Variants in TIMELESS observed in about 807,000 individuals in gnomAD.
The protein encoded by TIMELESS is timeless circadian regulator.
A neutral mutation model predicts 164.3 loss-of-function variants in TIMELESS; 124 were observed. That is an observed-to-expected ratio of 0.75 (90% CI 0.65 to 0.88). The LOEUF (loss-of-function observed/expected upper bound fraction) is 0.88. TIMELESS is among the 40% of genes least tolerant of loss of function. The pLI, the probability that TIMELESS is intolerant of heterozygous loss-of-function variation, is 0.00. For missense variants in TIMELESS, 1,422 were observed against 1,491.4 expected, an observed-to-expected ratio of 0.95 and a Z score of 0.77; for synonymous variants, 564 against 563.4, an observed-to-expected ratio of 1.00 and a Z score of -0.02.
intron 26 of TIMELESS, among the ~76,000 whole-genome samples, chr12:56,420,070 GTA>G (rs71081354): frequency 0.23 from 21,827 of 95,026 alleles, 3,415 homozygotes; most frequent in Non-Finnish European, 0.33. Context: ...GTGTGTGTGT[GTA>G]TATATATATA....
chr12:56,445,255 A>G (rs947680873), intron 1 of TIMELESS, among the ~76,000 whole-genome samples: 35 of 139,620 alleles, frequency 2.5e-4, no homozygotes, highest in East Asian at 1.3e-3. Context: ...GAGAAACCCC[A>G]TCTCTACTAA....
intron 1 of TIMELESS, among the ~76,000 whole-genome samples, chr12:56,449,045 T>C (rs1163036459): frequency 6.6e-6 from 1 of 152,108 alleles, no homozygotes; most frequent in Non-Finnish European, 1.5e-5. Context: ...CAAGCCCCTT[T>C]CCATCACAAC....
At chr12:56,444,218 C>T (rs181420468) in intron 1 of TIMELESS, among the ~76,000 whole-genome samples, 7 of 151,924 alleles carry the variant, frequency 4.6e-5, no homozygotes, top group Non-Finnish European at 1.0e-4. Flanking sequence ...TCTTGGTCCC[C>T]TTCATTGTCT....
rs954920916 is a variant in TIMELESS at position 56,420,484 on chromosome 12, C to A, written c.3228+85G>T. The stretch of plus-strand genomic sequence containing the variant: ...AAGATGACGATAAGGATAAGGAGGA[C>A]CACCATGACAGTGAGGAGGAGGAGG... On this transcript the variant is annotated intron_variant, in intron 26 of 28. Transcript: ENST00000553532. 1.2e-5 allele frequency: 13 copies of A among 1,121,298 alleles called. No homozygotes were observed. In the East Asian group the frequency reaches 2.8e-4, roughly 24 times the overall value. The allele number at this position is 1,121,298 out of a possible 1,614,324, so 69.5% of individuals were successfully genotyped here. A position where few individuals can be genotyped will look rare whatever the true frequency, so the allele number is the denominator to read the frequency against.
intron 1 of TIMELESS, among the ~76,000 whole-genome samples, chr12:56,445,528 C>T (rs61937720): frequency 0.36 from 50,672 of 142,446 alleles, 10,264 homozygotes; most frequent in East Asian, 0.66. Context: ...CACCTGAGGT[C>T]GGGAGTTCAA....
chr12:56,424,812 A>C lies in TIMELESS; in HGVS notation c.1818T>G (p.Cys606Trp), dbSNP rs1881620366. The C allele has an allele frequency of 6.2e-7, 1 of 1,614,114 alleles. No individual in the cohort carries two copies. Among genetic ancestry groups the C allele is most frequent in the East Asian group, 2.2e-5 (1 of 44,880 alleles). Residue 606 changes from cysteine (C) to tryptophan (W), a missense_variant, in exon 15 of 29, where the codon TGT becomes TGG. Coordinates refer to ENST00000553532, the MANE Select transcript of TIMELESS (RefSeq NM_003920.5). ...RAEAMVRIQD[C>W]LLAGQAPQAL... ...CCTGTGGGGCCTGGCCAGCCAGGAG[A>C]CAGTCTTGGATCCGTACCATAGCTT...
chr12:56,422,962 C>T lies in TIMELESS; in HGVS notation c.2323G>A (p.Gly775Ser), dbSNP rs770734350. ...ACTGCAGCCAGTGCAAAAAATTTGC[C>T]CAGGATGTATTTGGCAAAAGTCACT... ...ELVTFAKYILGKFFALAAVNQ... is the reference protein window; with the variant it reads ...ELVTFAKYILSKFFALAAVNQ... The change falls in exon 19 of 29, where the codon GGC becomes AGC. Residue 775 changes from glycine (G) to serine (S), a missense_variant. Coordinates refer to ENST00000553532, the MANE Select transcript of TIMELESS (RefSeq NM_003920.5). 6.2e-7 allele frequency: 1 copy of T among 1,613,842 alleles called. No individual in the cohort carries two copies. Among genetic ancestry groups the T allele is most frequent in the Non-Finnish European group, 8.5e-7 (1 of 1,179,940 alleles).
chr12:56,420,488 C>G, intron 26 of TIMELESS, 81 bp downstream of exon 26: 2 of 1,166,202 alleles, frequency 1.7e-6, no homozygotes, highest in Admixed American at 1.8e-5. Context: ...GGAGGACCAC[C>G]ATGACAGTGA....
At chr12:56,423,030 C>T (rs774048) in intron 18 of TIMELESS, 38 bp from the exon 19 acceptor site, 2 of 1,594,460 alleles carry the variant, frequency 1.3e-6, no homozygotes, top group Non-Finnish European at 8.5e-7. Flanking sequence ...CCTCTCTGGT[C>T]CAATGCAGAC....
intron 1 of TIMELESS, among the ~76,000 whole-genome samples, chr12:56,435,139 T>C (rs1286017324): frequency 6.6e-6 from 1 of 152,078 alleles, no homozygotes; most frequent in Non-Finnish European, 1.5e-5. Flanking sequence ...GCTCTGGCCA[T>C]ACAGTGATTC....
chr12:56,429,209 T>A, intron 10 of TIMELESS, 109 bp from the exon 11 acceptor site: 1 of 1,105,642 alleles, frequency 9.0e-7, no homozygotes, highest in Non-Finnish European at 1.3e-6. Flanking sequence ...CATAATTTTT[T>A]TTTTTTTGAG....
chr12:56,423,285 C>T lies in TIMELESS; in HGVS notation c.2281G>A (p.Gly761Arg). ...TGTTATCCCCTCACTTTGTAGGCTC[C>T]AGCAGCAGGGTCACTAAGCAGACGA... is the stretch of plus-strand genomic sequence containing the variant. ...FNRLLSDPAA[G>R]AYKELVTFAK... Residue 761 changes from glycine to arginine, a missense_variant, in exon 18 of 29, where the codon GGA becomes AGA. By Grantham distance (125) the Gly-to-Arg change is moderately radical. Transcript: ENST00000553532. The T allele has an allele frequency of 4.3e-6, 7 of 1,614,082 alleles. No individual in the cohort carries two copies. Among genetic ancestry groups the T allele is most frequent in the Non-Finnish European group, 4.2e-6 (5 of 1,180,018 alleles).
chr12:56,417,874 A>G lies in TIMELESS; in HGVS notation c.3556+33T>C, dbSNP rs780481040. 10 of 1,613,544 alleles carry G rather than the reference A, an allele frequency of 6.2e-6. No homozygotes were observed. In the African/African-American group the frequency reaches 1.2e-4, roughly 19 times the overall value. On this transcript the variant is annotated intron_variant, in intron 28 of 28. Coordinates refer to ENST00000553532, the MANE Select transcript of TIMELESS (RefSeq NM_003920.5). Reference sequence around the variant, plus strand: ...TGGTAGAGTTTGTCTTCAGGATTAGAGAAGAAAAAGAAGGTCCCATCAAAT... The same window carrying G: ...TGGTAGAGTTTGTCTTCAGGATTAGGGAAGAAAAAGAAGGTCCCATCAAAT...
chr12:56,443,167 T>C (rs977470323), intron 1 of TIMELESS, among the ~76,000 whole-genome samples: 7 of 152,302 alleles, frequency 4.6e-5, no homozygotes, highest in African/African-American at 1.4e-4. Flanking sequence ...TCAGGCAGAA[T>C]AGAGCCATAG....
At position 56,423,696 on chromosome 12, in the gene TIMELESS, G is replaced by A. The variant is rs367793471; in HGVS notation, c.1978C>T (p.Pro660Ser). The A allele has an allele frequency of 4.2e-5, 67 of 1,613,904 alleles. No individual in the cohort carries two copies. Among genetic ancestry groups the A allele is most frequent in the Non-Finnish European group, 5.6e-5 (66 of 1,179,926 alleles). Residue 660 changes from proline to serine, a missense_variant, in exon 17 of 29, where the codon CCA becomes TCA. Coordinates refer to ENST00000553532, the MANE Select transcript of TIMELESS (RefSeq NM_003920.5). The stretch of plus-strand genomic sequence containing the variant: ...TCTTCCTCTGCCCCACGTTCCTCTG[G>A]GCCCTGCTGCCCTATAGACAGAGGG... ...LSAPLPRQQG[P>S]EERGAEEEEE...
At chr12:56,422,266 A>T (rs993756870) in intron 19 of TIMELESS, 75 bp from the exon 20 acceptor site, 61 of 1,341,844 alleles carry the variant, frequency 4.5e-5, no homozygotes, top group Non-Finnish European at 6.1e-5. Flanking sequence ...TTCTCTGATC[A>T]GTTCTGAAAA....
At chr12:56,447,990 T>C (rs895904552) in intron 1 of TIMELESS, among the ~76,000 whole-genome samples, 1 of 151,980 alleles carries the variant, frequency 6.6e-6, no homozygotes, top group Non-Finnish European at 1.5e-5. Flanking sequence ...CAAAATGAGA[T>C]TGAGAGGGTC....
chr12:56,421,495 T>G lies in TIMELESS; in HGVS notation c.2726-2A>C. 1 of 1,608,088 alleles carries G rather than the reference T, an allele frequency of 6.2e-7. No homozygotes were observed. Among genetic ancestry groups the G allele is most frequent in the Non-Finnish European group, 8.5e-7 (1 of 1,176,716 alleles). On this transcript the variant is annotated splice_acceptor_variant, in intron 22 of 28. Transcript: ENST00000553532. LOFTEE classifies it high-confidence loss of function. ...TCTTCATGATATGACCCAGGACATC[T>G]ATAAAAAGCAAGCATGTGAATACCC...
In TIMELESS at chr12:56,423,509, A is replaced by G. The variant is rs72478995; in HGVS notation, c.2091-34T>C. On this transcript the variant is annotated intron_variant, in intron 17 of 28. Coordinates refer to ENST00000553532, the MANE Select transcript of TIMELESS (RefSeq NM_003920.5). ...AAACAAGGAGGGAGAGGATGTCAGC[A>G]TAAGGAAGACATAGCTCATCCTCAC... The G allele has an allele frequency of 8.3e-3, 13,419 of 1,613,516 alleles. 1,002 individuals are homozygous for G. In the African/African-American group the frequency reaches 0.16, roughly 19 times the overall value.
Sources: allele counts gnomAD v4.1 joint callset (sites outside exome capture counted in the v4.1 genomes callset), GRCh38; gene constraint gnomAD v4.1.1; transcripts MANE v1.5; gene names NCBI Gene and HGNC (gene_info 2026-07-23, HGNC 2026-07-21).